The following DNAH5 variants were observed in gnomAD, a reference collection of about 807,000 sequenced individuals.
DNAH5 encodes dynein axonemal heavy chain 5, also known as axonemal beta dynein heavy chain 5.
DNAH5 carries 372 observed loss-of-function variants against 518.2 expected under a neutral mutation model. The ratio of observed to expected loss-of-function variants is 0.72; its 90% CI spans 0.66 to 0.78. The LOEUF is 0.78. Among genes scored for constraint, DNAH5 ranks in the 30% least tolerant of loss-of-function variants. The pLI is 0.00. For synonymous variants in DNAH5, 2,039 were observed against 2,025.9 expected, an observed-to-expected ratio of 1.01 and a Z score of -0.17; for missense variants, 5,523 against 5,687.0, an observed-to-expected ratio of 0.97 and a Z score of 0.93.
intron 47 of DNAH5, among the ~76,000 whole-genome samples, chr5:13,800,351 TA>T (rs1236639584): frequency 6.6e-6 from 1 of 152,146 alleles, no homozygotes; most frequent in African/African-American, 2.4e-5. Context: ...GGAGGTTCCA[TA>T]ACATCACAAA....
At chr5:13,872,727 A>G (rs560470297) in intron 22 of DNAH5, among the ~76,000 whole-genome samples, 8 of 152,316 alleles carry the variant, frequency 5.3e-5, no homozygotes, top group Admixed American at 3.9e-4. Flanking sequence ...TTTTCCCAGC[A>G]AAACAAATGC....
At chr5:13,866,386 G>A (rs1769258270) in intron 25 of DNAH5, 104 bp from the exon 26 acceptor site, 1 of 894,138 alleles carries the variant, frequency 1.1e-6, no homozygotes, top group South Asian at 1.6e-5. Flanking sequence ...ATGCATGATA[G>A]GAAACTTCAT....
chr5:13,704,997 T>C (rs144339630), intron 76 of DNAH5, among the ~76,000 whole-genome samples: 1 of 151,842 alleles, frequency 6.6e-6, no homozygotes, highest in Non-Finnish European at 1.5e-5. Flanking sequence ...TAGACAATTT[T>C]TTTTTTTTTT....
At chr5:13,830,328 G>A (rs879189074) in intron 36 of DNAH5, 115 bp from the exon 37 acceptor site, 2 of 1,069,444 alleles carry the variant, frequency 1.9e-6, no homozygotes, top group South Asian at 2.7e-5. Context: ...CAAAAGTAAA[G>A]TGCAACAAAT....
intron 43 of DNAH5, among the ~76,000 whole-genome samples, chr5:13,813,182 A>C (rs1284068715): frequency 6.6e-6 from 1 of 152,202 alleles, no homozygotes; most frequent in Non-Finnish European, 1.5e-5. Context: ...GCATTATTTA[A>C]AACATATAGG....
In DNAH5 at chr5:13,922,228, C is replaced by T; in HGVS notation, c.539G>A (p.Ser180Asn). The T allele has an allele frequency of 6.2e-7, 1 of 1,614,096 alleles. No homozygotes were observed. The highest frequency in any genetic ancestry group is 1.3e-5 in the African/African-American group (1 of 75,020). The change falls in exon 5 of 79, where the codon AGC becomes AAC. Residue 180 changes from serine (S) to asparagine (N), a missense_variant. Physicochemically the swap from Ser to Asn is conservative, Grantham distance 46 (BLOSUM62 1). Around this residue, in one of 3 missense-constraint regions of DNAH5, gnomAD observed 5,121 missense variants for 5,223.3 expected, o/e 0.98. Transcript: ENST00000265104. ...GCCCTCGAGCTCGCCCCAGCCATGG[C>T]TCGTGGCTCTGAGAGCAGGAATGAA... ...DIFIPALRAT[S>N]HGWGELEGLQ...
intron 32 of DNAH5, 60 bp downstream of exon 32, chr5:13,844,777 A>G: frequency 6.2e-7 from 1 of 1,608,208 alleles, no homozygotes; most frequent in Non-Finnish European, 8.5e-7. Flanking sequence ...AGAGCTACTT[A>G]AAGACAGTTG....
At chr5:13,805,456 C>T (rs6868758) in intron 47 of DNAH5, among the ~76,000 whole-genome samples, 25,689 of 151,916 alleles carry the variant, frequency 0.17, 2,240 homozygotes, top group Admixed American at 0.21. Context: ...CAAGATCACA[C>T]GACTGCACTC....
At chr5:13,784,986 G>A (rs1755761031) in intron 52 of DNAH5, among the ~76,000 whole-genome samples, 2 of 152,094 alleles carry the variant, frequency 1.3e-5, no homozygotes, top group Admixed American at 1.3e-4. Context: ...GGATGGGACG[G>A]GGCTGAGTGA....
In DNAH5 at chr5:13,917,271, GA is replaced by G. The variant is rs1372093528; in HGVS notation, c.976-16del. On this transcript the variant is annotated splice_polypyrimidine_tract_variant and intron_variant, in intron 7 of 78. Transcript: ENST00000265104. ...TCCCGCCAAGTCTAAGCACAATAGG[GA>G]AAAGCAATTTTAATGTAATTATTAA... The G allele has an allele frequency of 1.3e-6, 2 of 1,589,006 alleles. No individual in the cohort carries two copies. The highest frequency in any genetic ancestry group is 2.2e-5 in the South Asian group (2 of 90,554).
intron 1 of DNAH5, among the ~76,000 whole-genome samples, chr5:13,994,603 T>A (rs1468360343): frequency 6.6e-6 from 1 of 152,096 alleles, no homozygotes; most frequent in Non-Finnish European, 1.5e-5. Context: ...AATAAGGTTA[T>A]CTCATTCTTC....
chr5:13,824,093 GGCATTTTAAATGA>G (rs1295349756), intron 39 of DNAH5, 93 bp downstream of exon 39: 6 of 1,170,954 alleles, frequency 5.1e-6, no homozygotes, highest in South Asian at 2.5e-5. Flanking sequence ...CTGACAATTA[GGCATTTTAAATGA>G]GCATTTTAAA....
intron 1 of DNAH5, among the ~76,000 whole-genome samples, chr5:13,994,362 G>T (rs1312640784): frequency 1.3e-5 from 2 of 152,172 alleles, no homozygotes; most frequent in East Asian, 3.8e-4. Flanking sequence ...CACTGACCTA[G>T]AAGAGTACGA....
At chr5:13,884,057 T>C (rs1772035315) in intron 19 of DNAH5, among the ~76,000 whole-genome samples, 1 of 152,186 alleles carries the variant, frequency 6.6e-6, no homozygotes, top group African/African-American at 2.4e-5. Context: ...TGCCTCTAGA[T>C]TTGACAGATT....
chr5:13,921,748 A>ACC (rs765137275), intron 5 of DNAH5, among the ~76,000 whole-genome samples: 60 of 67,426 alleles, frequency 8.9e-4, no homozygotes, highest in African/African-American at 1.9e-3. Flanking sequence ...CCGCCCACAC[A>ACC]CACCCCCCCA....
chr5:13,866,476 G>T lies in DNAH5; in HGVS notation c.4054-194C>A, dbSNP rs113481260. On this transcript the variant is annotated intron_variant, in intron 25 of 78. Coordinates refer to ENST00000265104, the MANE Select transcript of DNAH5 (RefSeq NM_001369.3). ...TCTAGTCTAAAAAAGCCAAATTAAT[G>T]CCAGAACTTCCCTTAGTCAAGAAAC... 3.5e-3 allele frequency among the ~76,000 whole-genome samples: 536 copies of T among 152,212 alleles called. 4 individuals carry two copies. The highest frequency in any genetic ancestry group is 0.012 in the African/African-American group (515 of 41,530).
intron 41 of DNAH5, among the ~76,000 whole-genome samples, chr5:13,819,469 C>G (rs959488577): frequency 6.6e-6 from 1 of 152,078 alleles, no homozygotes; most frequent in African/African-American, 2.4e-5. Context: ...CAACAATGTA[C>G]CAGTGTTGCA....
chr5:13,935,707 G>A (rs766576110), intron 1 of DNAH5, among the ~76,000 whole-genome samples: 1 of 152,170 alleles, frequency 6.6e-6, no homozygotes, highest in Non-Finnish European at 1.5e-5. Flanking sequence ...TTAGAACAGT[G>A]CACTGTCAAT....
At chr5:13,768,438 C>G (rs1015140260) in intron 58 of DNAH5, among the ~76,000 whole-genome samples, 1 of 152,210 alleles carries the variant, frequency 6.6e-6, no homozygotes, top group Non-Finnish European at 1.5e-5. Flanking sequence ...ATTACCCCGT[C>G]TCAGGTAACA....
Sources: allele counts gnomAD v4.1 joint callset (sites outside exome capture counted in the v4.1 genomes callset), GRCh38; gene constraint gnomAD v4.1.1; regional missense constraint gnomAD v4.1.1; transcripts MANE v1.5; gene names NCBI Gene and HGNC (gene_info 2026-07-23, HGNC 2026-07-21).